Variants in PDE1A observed in about 807,000 individuals in gnomAD.
The protein encoded by PDE1A is phosphodiesterase 1A, also known as dual specificity calcium/calmodulin-dependent 3',5'-cyclic nucleotide phosphodiesterase 1A.
A neutral mutation model predicts 61.7 loss-of-function variants in PDE1A; 35 were observed. The ratio of observed to expected loss-of-function variants is 0.57; its 90% confidence interval spans 0.43 to 0.75. PDE1A has a LOEUF of 0.75. Among genes scored for constraint, PDE1A ranks in the 30% least tolerant of loss-of-function variants. The probability of loss-of-function intolerance (pLI) is 0.00; values close to 1 mark genes in which losing one functional copy is unlikely to be tolerated. For missense variants in PDE1A, 597 were observed against 630.6 expected, an observed-to-expected ratio of 0.95 and a Z score of 0.57; for synonymous variants, 232 against 213.2, an observed-to-expected ratio of 1.09 and a Z score of -0.77.
intron 2 of PDE1A, among the ~76,000 whole-genome samples, chr2:182,473,927 C>T (rs571345089): frequency 2.1e-4 from 32 of 151,832 alleles, no homozygotes; most frequent in Admixed American, 7.2e-4. Context: ...TTTGCTATTG[C>T]GAAAAGTGCT....
chr2:182,238,132 G>C (rs1690186869), intron 3 of PDE1A, among the ~76,000 whole-genome samples: 1 of 151,850 alleles, frequency 6.6e-6, no homozygotes, highest in Non-Finnish European at 1.5e-5. Context: ...AGCCAGGCAG[G>C]GTTGCGGGTG....
intron 1 of PDE1A, among the ~76,000 whole-genome samples, chr2:182,310,868 T>G (rs1376946347): frequency 1.3e-5 from 2 of 152,234 alleles, no homozygotes; most frequent in Non-Finnish European, 1.5e-5. Context: ...TGTGACCATG[T>G]TCTGGCCAAT....
At chr2:182,284,526 G>A (rs908245774) in intron 1 of PDE1A, among the ~76,000 whole-genome samples, 6 of 151,952 alleles carry the variant, frequency 3.9e-5, no homozygotes, top group Non-Finnish European at 8.8e-5. Flanking sequence ...AGGGAAATGA[G>A]TATAAGTTGA....
chr2:182,652,905 T>A, the PDE1A span, among the ~76,000 whole-genome samples: 3 of 152,226 alleles, frequency 2.0e-5, no homozygotes, highest in Non-Finnish European at 4.4e-5. Context: ...TTCTGAGTTC[T>A]TAGTTGTTTT....
At chr2:182,346,984 G>A (rs1210031910) in intron 1 of PDE1A, among the ~76,000 whole-genome samples, 1 of 152,140 alleles carries the variant, frequency 6.6e-6, no homozygotes, top group Non-Finnish European at 1.5e-5. Flanking sequence ...TGGTAAAGAA[G>A]TAGACTATTA....
chr2:182,443,244 G>A (rs956767745), intron 2 of PDE1A, among the ~76,000 whole-genome samples: 1 of 150,850 alleles, frequency 6.6e-6, no homozygotes, highest in Non-Finnish European at 1.5e-5. Flanking sequence ...ACTCCCATTT[G>A]CTTAAAAATC....
chr2:182,282,510 A>G (rs1693874517), intron 1 of PDE1A, among the ~76,000 whole-genome samples: 1 of 152,006 alleles, frequency 6.6e-6, no homozygotes, highest in Non-Finnish European at 1.5e-5. Flanking sequence ...ACCAAAGCAT[A>G]CATTCTCACC....
chr2:182,703,074 G>T, the PDE1A span, among the ~76,000 whole-genome samples: 1 of 152,124 alleles, frequency 6.6e-6, no homozygotes, highest in East Asian at 1.9e-4. Flanking sequence ...AAAATGGAAC[G>T]CAACCAACGA....
intron 2 of PDE1A, among the ~76,000 whole-genome samples, chr2:182,474,252 T>C (rs183550576): frequency 6.6e-6 from 1 of 152,080 alleles, no homozygotes; most frequent in East Asian, 1.9e-4. Context: ...GTTTTACTCT[T>C]TCGCTTCAGC....
chr2:182,605,747 G>A, the PDE1A span, among the ~76,000 whole-genome samples: 3 of 152,176 alleles, frequency 2.0e-5, no homozygotes, highest in African/African-American at 7.2e-5. Flanking sequence ...TAGTCAAATT[G>A]TGTCTCTGAG....
the PDE1A span, among the ~76,000 whole-genome samples, chr2:182,655,726 G>A: frequency 2.0e-5 from 3 of 152,162 alleles, no homozygotes; most frequent in Admixed American, 1.3e-4. Context: ...CCAGTAGGTG[G>A]GGGTCACCTC....
intron 13 of PDE1A, among the ~76,000 whole-genome samples, chr2:182,180,699 C>G (rs972998017): frequency 6.6e-6 from 1 of 151,844 alleles, no homozygotes; most frequent in Non-Finnish European, 1.5e-5. Context: ...TGATTCCATT[C>G]TCCCAGTCTC....
chr2:182,519,184 A>G (rs1690401495), intron 2 of PDE1A, among the ~76,000 whole-genome samples: 1 of 152,142 alleles, frequency 6.6e-6, no homozygotes, highest in Non-Finnish European at 1.5e-5. Context: ...AATTCATAAG[A>G]AACTTCTGAA....
chr2:182,474,049 T>C (rs961444818), intron 2 of PDE1A, among the ~76,000 whole-genome samples: 4 of 152,032 alleles, frequency 2.6e-5, no homozygotes, highest in Non-Finnish European at 5.9e-5. Flanking sequence ...CTTTAAGTCT[T>C]TGAGGTATCA....
intron 1 of PDE1A, among the ~76,000 whole-genome samples, chr2:182,272,029 A>G (rs1693062098): frequency 6.6e-6 from 1 of 152,148 alleles, no homozygotes; most frequent in Non-Finnish European, 1.5e-5. Flanking sequence ...GGGGTAGAGG[A>G]AAAGTCCAAT....
chr2:182,632,739 G>C, the PDE1A span, among the ~76,000 whole-genome samples: 1 of 152,084 alleles, frequency 6.6e-6, no homozygotes, highest in South Asian at 2.1e-4. Context: ...ATTACATTTT[G>C]AAAAGATTAT....
intron 1 of PDE1A, among the ~76,000 whole-genome samples, chr2:182,399,694 A>G (rs1237120067): frequency 6.6e-6 from 1 of 152,092 alleles, no homozygotes; most frequent in Non-Finnish European, 1.5e-5. Flanking sequence ...TATAGAGTTT[A>G]CATCTCACTT....
chr2:182,163,032 T>G (rs1045665571), downstream of PDE1A, among the ~76,000 whole-genome samples: 2 of 152,150 alleles, frequency 1.3e-5, no homozygotes, highest in Non-Finnish European at 2.9e-5. Flanking sequence ...CAGAGACTAG[T>G]GCAACCATCA....
chr2:182,566,690 C>T, the PDE1A span, among the ~76,000 whole-genome samples: 1 of 152,056 alleles, frequency 6.6e-6, no homozygotes, highest in Non-Finnish European at 1.5e-5. Context: ...TGAGTCCAAA[C>T]TTCTATAAAG....
Sources: gnomAD v4.1 joint callset for allele counts (sites outside exome capture counted in the v4.1 genomes callset) on GRCh38, gnomAD v4.1.1 for gene constraint, MANE v1.5 for transcripts, NCBI Gene and HGNC (gene_info 2026-07-23, HGNC 2026-07-21) for gene names.